The following SNX7 variants were observed in gnomAD, a reference collection of about 807,000 sequenced individuals.
SNX7 encodes sorting nexin 7.
A neutral mutation model predicts 48.4 loss-of-function variants in SNX7; 35 were observed. That is an observed-to-expected ratio of 0.72 (90% CI 0.55 to 0.96). The LOEUF (loss-of-function observed/expected upper bound fraction) is 0.96, where lower values mean the gene tolerates loss of function less well. Ranked by LOEUF, SNX7 falls within the 40% of genes least tolerant of loss-of-function variation. SNX7 has a pLI of 0.00. For synonymous variants in SNX7, 190 were observed against 190.2 expected (o/e 1.00, Z 0.01); for missense variants, 553 against 548.9 (o/e 1.01, Z -0.07).
intron 8 of SNX7, among the ~76,000 whole-genome samples, chr1:98,756,573 C>A (rs1399923376): frequency 6.6e-6 from 1 of 151,604 alleles, no homozygotes; most frequent in African/African-American, 2.4e-5. Flanking sequence ...ACTGTTTAAT[C>A]CTTCCCGATG....
At chr1:98,684,822 A>G (rs1650695486) in intron 1 of SNX7, 63 bp from the exon 2 acceptor site, 1 of 1,152,646 alleles carries the variant, frequency 8.7e-7, no homozygotes, top group South Asian at 2.7e-5. Context: ...TATTGATAGC[A>G]TCTAGAAATA....
intron 1 of SNX7, among the ~76,000 whole-genome samples, chr1:98,679,663 T>C (rs1278280425): frequency 6.6e-6 from 1 of 152,194 alleles, no homozygotes; most frequent in Non-Finnish European, 1.5e-5. Context: ...ACAAAGGGGC[T>C]ACAGGCTCAT....
chr1:98,726,230 G>A (rs1250102671), intron 7 of SNX7, among the ~76,000 whole-genome samples: 1 of 152,162 alleles, frequency 6.6e-6, no homozygotes, highest in Admixed American at 6.5e-5. Context: ...ACTGATAAAT[G>A]TGTGTCTTTG....
At position 98,665,906 on chromosome 1, in the gene SNX7, A is replaced by C. The variant is rs1309172961; in HGVS notation, c.180+3995A>C. On this transcript the variant is annotated intron_variant, in intron 1 of 8. Coordinates refer to ENST00000306121, the MANE Select transcript of SNX7 (RefSeq NM_015976.5). ...TGCCCAGCTGAAAAGTTTATTTCTGAAAGAATAAAGTTGAGACATCTAACA... is the reference window on the plus strand; with the variant it reads ...TGCCCAGCTGAAAAGTTTATTTCTGCAAGAATAAAGTTGAGACATCTAACA... Among the ~76,000 whole-genome samples the C allele has an allele frequency of 5.3e-5, 8 of 152,268 alleles. No individual in the cohort carries two copies. In the East Asian group the frequency reaches 1.2e-3, roughly 22 times the overall value.
chr1:98,695,388 C>A, intron 4 of SNX7, 130 bp from the exon 5 acceptor site: 1 of 796,550 alleles, frequency 1.3e-6, no homozygotes. Context: ...TTCAAGCTAA[C>A]ATTAAAAAAG....
At chr1:98,688,206 T>G (rs1650908640) in intron 2 of SNX7, among the ~76,000 whole-genome samples, 1 of 152,154 alleles carries the variant, frequency 6.6e-6, no homozygotes, top group Admixed American at 6.6e-5. Flanking sequence ...ATTGTAAGGG[T>G]AAATGAATAT....
rs1450476433 is a variant in SNX7, at chr1:98,709,961, CAAATT to C, written c.1125+8061_1125+8065del. On this transcript the variant is annotated intron_variant, in intron 7 of 8. Coordinates refer to ENST00000306121, the MANE Select transcript of SNX7 (RefSeq NM_015976.5). Reference sequence around the variant, plus strand: ...AATCTAATAAGGAATAAATTAGAAACAAATTAATAAGAACTAGAGGTAAAGTATTC... The same window carrying C: ...AATCTAATAAGGAATAAATTAGAAACAATAAGAACTAGAGGTAAAGTATTC... Among the ~76,000 whole-genome samples, 4 of 152,018 alleles carry C rather than the reference CAAATT, an allele frequency of 2.6e-5. No homozygotes were observed. In the East Asian group the frequency reaches 7.7e-4, roughly 29 times the overall value.
intron 2 of SNX7, among the ~76,000 whole-genome samples, chr1:98,688,592 A>G (rs1032373183): frequency 6.6e-6 from 1 of 152,190 alleles, no homozygotes; most frequent in South Asian, 2.1e-4. Context: ...TTTTCTAAAT[A>G]ATGAGTTTAG....
intron 7 of SNX7, among the ~76,000 whole-genome samples, chr1:98,729,308 A>G (rs1039785142): frequency 6.6e-6 from 1 of 152,148 alleles, no homozygotes; most frequent in Non-Finnish European, 1.5e-5. Flanking sequence ...TATAGCACTA[A>G]ATGCCCACTT....
At chr1:98,723,785 C>T (rs1023765518) in intron 7 of SNX7, among the ~76,000 whole-genome samples, 5 of 95,184 alleles carry the variant, frequency 5.3e-5, no homozygotes, top group Non-Finnish European at 1.1e-4. Flanking sequence ...TGATTGATCC[C>T]GGGAGGCAGA....
chr1:98,743,639 T>C (rs926466089), intron 8 of SNX7, among the ~76,000 whole-genome samples: 1 of 152,082 alleles, frequency 6.6e-6, no homozygotes, highest in Non-Finnish European at 1.5e-5. Flanking sequence ...AAAATAGATC[T>C]CACAGCAGTC....
At chr1:98,662,099 C>G in intron 1 of SNX7, 188 bp downstream of exon 1, 1 of 510,568 alleles carries the variant, frequency 2.0e-6, no homozygotes, top group Non-Finnish European at 3.0e-6. Context: ...GCCGCGTCGC[C>G]TCGGGGCCTC....
chr1:98,744,862 G>A lies in SNX7; in HGVS notation c.1278+6473G>A, dbSNP rs922815150. On this transcript the variant is annotated intron_variant, in intron 8 of 8. Transcript: ENST00000306121. The stretch of plus-strand genomic sequence containing the variant: ...TGAAAGCAGTACTTACAAAGCCCCA[G>A]TTGAAGCCCTTAATTCTAAATTTAC... Among the ~76,000 whole-genome samples, 53 of 152,110 alleles carry A rather than the reference G, an allele frequency of 3.5e-4. 1 individual carries two copies. Among genetic ancestry groups the A allele is most frequent in the African/African-American group, 1.3e-3 (53 of 41,536 alleles).
intron 7 of SNX7, 29 bp downstream of exon 7, chr1:98,701,932 A>G (rs777857890): frequency 1.4e-5 from 21 of 1,487,710 alleles, no homozygotes; most frequent in Non-Finnish European, 1.9e-5. Context: ...TGATACAATC[A>G]TATAGAATTC....
rs760680300 is a variant in SNX7 at position 98,691,548 on chromosome 1, A to C, written c.488A>C (p.Lys163Thr). 6.3e-7 allele frequency: 1 copy of C among 1,579,710 alleles called. No individual in the cohort carries two copies. Among genetic ancestry groups the C allele is most frequent in the Non-Finnish European group, 8.6e-7 (1 of 1,166,954 alleles). ...PTLIIPPLPE[K>T]FIVKGMVERF... Reference sequence around the variant, plus strand: ...TTTTTGCCTTAGCCATTGCCAGAAAAGTTTATAGTAAAAGGAATGGTGGAA... The same window carrying C: ...TTTTTGCCTTAGCCATTGCCAGAAACGTTTATAGTAAAAGGAATGGTGGAA... Residue 163 changes from lysine (K) to threonine (T), a missense_variant, in exon 4 of 9, where the codon AAG becomes ACG. Coordinates refer to ENST00000306121, the MANE Select transcript of SNX7 (RefSeq NM_015976.5).
intron 1 of SNX7, among the ~76,000 whole-genome samples, chr1:98,683,488 T>C (rs868746170): frequency 1.2e-4 from 18 of 151,952 alleles, no homozygotes; most frequent in Admixed American, 1.3e-4. Flanking sequence ...GGTGGAGCCT[T>C]TGGGTGGTGA....
At chr1:98,687,620 C>T (rs921227876) in intron 2 of SNX7, among the ~76,000 whole-genome samples, 2 of 152,012 alleles carry the variant, frequency 1.3e-5, no homozygotes, top group African/African-American at 4.8e-5. Flanking sequence ...TTCTGCTTTC[C>T]TGGTGTTTTC....
intron 7 of SNX7, among the ~76,000 whole-genome samples, chr1:98,737,058 T>C (rs1004499868): frequency 4.0e-5 from 6 of 151,136 alleles, no homozygotes; most frequent in Non-Finnish European, 8.8e-5. Context: ...CTAACCTCAC[T>C]TCCCAGGACT....
At chr1:98,680,358 A>G (rs964244584) in intron 1 of SNX7, among the ~76,000 whole-genome samples, 2 of 152,184 alleles carry the variant, frequency 1.3e-5, no homozygotes, top group African/African-American at 4.8e-5. Context: ...CTGTGGGCCT[A>G]TGCTGAGAGG....
Sources: gnomAD v4.1 joint callset for allele counts (sites outside exome capture counted in the v4.1 genomes callset) on GRCh38, gnomAD v4.1.1 for gene constraint, MANE v1.5 for transcripts, NCBI Gene and HGNC (gene_info 2026-07-23, HGNC 2026-07-21) for gene names.